Variants in GRIK4 observed in about 807,000 individuals in gnomAD.
GRIK4 encodes glutamate receptor ionotropic, kainate 4.
GRIK4 carries 40 observed loss-of-function variants against 104.9 expected under a neutral mutation model. The observed-to-expected ratio is 0.38, with a 90% CI of 0.30 to 0.50. The LOEUF is 0.50. Among genes scored for constraint, GRIK4 ranks in the 20% least tolerant of loss-of-function variants. GRIK4 has a pLI of 0.93. For missense variants in GRIK4, 1,047 were observed against 1,308.1 expected (o/e 0.80, Z 3.08); for synonymous variants, 485 against 524.9 (o/e 0.92, Z 1.04).
At chr11:120,686,196 C>A (rs2135298852) in intron 3 of GRIK4, among the ~76,000 whole-genome samples, 1 of 152,218 alleles carries the variant, frequency 6.6e-6, no homozygotes, top group Admixed American at 6.5e-5. Flanking sequence ...TCAATCTGAA[C>A]CCAATTCTTC....
intron 3 of GRIK4, among the ~76,000 whole-genome samples, chr11:120,725,016 A>G (rs1351350029): frequency 6.6e-6 from 1 of 152,252 alleles, no homozygotes. Flanking sequence ...GCATAATAAA[A>G]TACTATTCTA....
intron 19 of GRIK4, among the ~76,000 whole-genome samples, chr11:120,980,862 T>G (rs1482582562): frequency 2.6e-5 from 4 of 152,138 alleles, no homozygotes; most frequent in Non-Finnish European, 5.9e-5. Context: ...AAAACAAAAG[T>G]CAGACATCCA....
intron 9 of GRIK4, among the ~76,000 whole-genome samples, chr11:120,864,455 G>T (rs4348916): frequency 0.026 from 3,996 of 152,080 alleles, 68 homozygotes; most frequent in Non-Finnish European, 0.04. Flanking sequence ...TTAGCCAGGA[G>T]TGTCTCGATC....
chr11:120,797,577 TGTC>T (rs1952544444), intron 3 of GRIK4, among the ~76,000 whole-genome samples: 2 of 152,330 alleles, frequency 1.3e-5, no homozygotes, highest in African/African-American at 4.8e-5. Flanking sequence ...GGGTACCTGT[TGTC>T]GTCCTAGTTA....
chr11:120,701,138 G>A (rs906681454), intron 3 of GRIK4, among the ~76,000 whole-genome samples: 2 of 152,056 alleles, frequency 1.3e-5, no homozygotes, highest in African/African-American at 2.4e-5. Context: ...TTCTCAGACC[G>A]TATCCCATTG....
intron 3 of GRIK4, among the ~76,000 whole-genome samples, chr11:120,721,449 G>A (rs1950932347): frequency 6.6e-6 from 1 of 152,144 alleles, no homozygotes; most frequent in Non-Finnish European, 1.5e-5. Flanking sequence ...GAGATAGTTT[G>A]TTCCTCACAG....
At chr11:120,572,268 G>T (rs191893155) in intron 1 of GRIK4, among the ~76,000 whole-genome samples, 2 of 152,112 alleles carry the variant, frequency 1.3e-5, no homozygotes, top group Non-Finnish European at 2.9e-5. Context: ...GTCACCTTGG[G>T]GGGTAAGACG....
chr11:120,916,992 T>A (rs1418673615), intron 13 of GRIK4, among the ~76,000 whole-genome samples: 6 of 152,088 alleles, frequency 3.9e-5, no homozygotes, highest in South Asian at 4.1e-4. Flanking sequence ...ACGCCTGTAA[T>A]CCCAGCACTT....
chr11:120,772,844 C>A (rs73576572), intron 3 of GRIK4, among the ~76,000 whole-genome samples: 7,324 of 151,828 alleles, frequency 0.048, 488 homozygotes, highest in African/African-American at 0.15. Flanking sequence ...GGTCCAAGTG[C>A]TGGTGCATTC....
At chr11:120,774,324 C>CTG (rs902165733) in intron 3 of GRIK4, among the ~76,000 whole-genome samples, 6 of 151,996 alleles carry the variant, frequency 3.9e-5, no homozygotes, top group Admixed American at 2.0e-4. Flanking sequence ...AGAACCAGCT[C>CTG]TGTGTGTGTG....
At chr11:120,929,236 C>T (rs970802892) in intron 13 of GRIK4, among the ~76,000 whole-genome samples, 3 of 152,116 alleles carry the variant, frequency 2.0e-5, no homozygotes, top group Admixed American at 6.6e-5. Flanking sequence ...CTCCAGCCCG[C>T]GGCGGGTGGC....
chr11:120,834,161 C>A (rs1484733814), intron 7 of GRIK4, among the ~76,000 whole-genome samples: 2 of 152,094 alleles, frequency 1.3e-5, no homozygotes, highest in African/African-American at 2.4e-5. Flanking sequence ...TGCCAGATTG[C>A]ATTTTAGAAA....
In GRIK4 at chr11:120,763,730, C is replaced by T. The variant is rs189029291; in HGVS notation, c.83-38963C>T. ...AGTAGTCATTCAGGAGCAGGTTGTT[C>T]AGTTTCCATGTAGTTGTGCAGTTTT... is the stretch of plus-strand genomic sequence containing the variant. On this transcript the variant is annotated intron_variant, in intron 3 of 20. Coordinates refer to ENST00000527524, the MANE Select transcript of GRIK4 (RefSeq NM_014619.5). 5.8e-3 allele frequency among the ~76,000 whole-genome samples: 880 copies of T among 152,232 alleles called. 2 individuals carry two copies. The highest frequency in any genetic ancestry group is 9.6e-3 in the Non-Finnish European group (652 of 68,018).
intron 1 of GRIK4, among the ~76,000 whole-genome samples, chr11:120,522,001 G>A (rs1947801263): frequency 6.6e-6 from 1 of 152,172 alleles, no homozygotes; most frequent in Non-Finnish European, 1.5e-5. Context: ...TGATTCTCCA[G>A]CCAACCCTAT....
At chr11:120,909,932 A>G (rs1321062512) in intron 13 of GRIK4, among the ~76,000 whole-genome samples, 1 of 152,194 alleles carries the variant, frequency 6.6e-6, no homozygotes. Context: ...CTGCAATGCA[A>G]CAGTGTTGGG....
intron 5 of GRIK4, among the ~76,000 whole-genome samples, chr11:120,815,950 A>T (rs1403209950): frequency 2.6e-5 from 4 of 152,218 alleles, no homozygotes; most frequent in African/African-American, 9.6e-5. Flanking sequence ...AGCCTCTGTC[A>T]TATAAGTTCT....
intron 13 of GRIK4, among the ~76,000 whole-genome samples, chr11:120,910,130 A>G (rs1273948658): frequency 6.6e-6 from 1 of 152,222 alleles, no homozygotes; most frequent in African/African-American, 2.4e-5. Context: ...TGACAATGCC[A>G]TGCTCTTGAA....
intron 3 of GRIK4, among the ~76,000 whole-genome samples, chr11:120,702,537 C>T (rs536305185): frequency 2.6e-5 from 4 of 152,132 alleles, no homozygotes; most frequent in Admixed American, 2.6e-4. Context: ...GAGAAGAGGA[C>T]AAGGACAGAG....
intron 4 of GRIK4, among the ~76,000 whole-genome samples, chr11:120,809,661 A>G (rs1405788768): frequency 1.3e-5 from 2 of 152,244 alleles, no homozygotes; most frequent in Non-Finnish European, 2.9e-5. Flanking sequence ...TTTATGATCC[A>G]GTGAGGGAGA....
Sources: allele counts gnomAD v4.1 joint callset (sites outside exome capture counted in the v4.1 genomes callset), GRCh38; gene constraint gnomAD v4.1.1; transcripts MANE v1.5; gene names NCBI Gene and HGNC (gene_info 2026-07-23, HGNC 2026-07-21).